Variants in ASAP3 observed in about 807,000 individuals in gnomAD.
ASAP3 encodes ArfGAP with SH3 domain, ankyrin repeat and PH domain 3, also known as arf-GAP with SH3 domain, ANK repeat and PH domain-containing protein 3.
ASAP3 carries 85 observed loss-of-function variants against 118.2 expected under a neutral mutation model. The observed-to-expected ratio is 0.72, with a 90% CI of 0.60 to 0.86. The LOEUF (loss-of-function observed/expected upper bound fraction) is 0.86, where lower values mean the gene tolerates loss of function less well. Among genes scored for constraint, ASAP3 ranks in the 40% least tolerant of loss-of-function variants. The pLI is 0.00. For synonymous variants in ASAP3, 432 were observed against 477.4 expected, an observed-to-expected ratio of 0.90 and a Z score of 1.24; for missense variants, 1,026 against 1,175.0, an observed-to-expected ratio of 0.87 and a Z score of 1.85.
At chr1:23,474,947 G>T (rs1242128125) in intron 1 of ASAP3, among the ~76,000 whole-genome samples, 1 of 152,204 alleles carries the variant, frequency 6.6e-6, no homozygotes, top group Non-Finnish European at 1.5e-5. Flanking sequence ...ACCTGCATGG[G>T]AATTTCCAGG....
At chr1:23,434,704 C>T (rs1640573351) in intron 17 of ASAP3, 86 bp from the exon 18 acceptor site, 1 of 1,296,962 alleles carries the variant, frequency 7.7e-7, no homozygotes, top group Non-Finnish European at 1.1e-6. Flanking sequence ...CTTGCTAACC[C>T]CTTATCCCCC....
At chr1:23,483,687 G>A (rs1377204315) in intron 1 of ASAP3, among the ~76,000 whole-genome samples, 1 of 152,180 alleles carries the variant, frequency 6.6e-6, no homozygotes, top group African/African-American at 2.4e-5. Flanking sequence ...AGATGAAAAC[G>A]CAAACTGAGG....
intron 3 of ASAP3, among the ~76,000 whole-genome samples, chr1:23,454,307 C>A (rs1162596455): frequency 1.3e-5 from 2 of 151,980 alleles, no homozygotes; most frequent in Non-Finnish European, 2.9e-5. Flanking sequence ...CTGCCTCAGC[C>A]TCCTGAGTAG....
In ASAP3 at chr1:23,431,762, C is replaced by T. The variant is rs760214231; in HGVS notation, c.2480G>A (p.Gly827Asp). 6.6e-7 allele frequency: 1 copy of T among 1,526,584 alleles called. No individual in the cohort carries two copies. The highest frequency in any genetic ancestry group is 1.3e-5 in the South Asian group (1 of 76,260). 94.6% of individuals were successfully genotyped at this position (1,526,584 alleles called of 1,614,324 possible). The change falls in exon 23 of 25, where the codon GGC becomes GAC. Residue 827 changes from glycine to aspartate, a missense_variant. By Grantham distance (94) the Gly-to-Asp change is moderately conservative. Transcript: ENST00000336689. ...GGATGTCAGGCTGGGTCTGGAGGTG[C>T]CTGGGGGCTCTCGGAGGCCCTCTTC... Reference protein sequence around the residue: ...NSEEGLREPPGTSRPSLTSGT... With the variant: ...NSEEGLREPPDTSRPSLTSGT...
chr1:23,452,538 G>C (rs1376251406), intron 4 of ASAP3, among the ~76,000 whole-genome samples, 159 bp downstream of exon 4: 2 of 152,040 alleles, frequency 1.3e-5, no homozygotes, highest in Admixed American at 6.6e-5. Context: ...ATCCTAGGCT[G>C]ACCCGAGCCA....
chr1:23,438,701 A>T lies in ASAP3; in HGVS notation c.1102+46T>A. On this transcript the variant is annotated intron_variant, in intron 12 of 24. Transcript: ENST00000336689. This position sits in a 1 kb window ranked among gnomAD's most constrained non-coding sequence, Gnocchi z 4.9. ...CGGGAGCTGACAGGTGTCTTAGAGAAGCCCTGAGCAGCTGTGGGTGGGGGA... is the reference window on the plus strand; with the variant it reads ...CGGGAGCTGACAGGTGTCTTAGAGATGCCCTGAGCAGCTGTGGGTGGGGGA... 1.3e-6 allele frequency: 2 copies of T among 1,575,586 alleles called. No homozygotes were observed. Among genetic ancestry groups the T allele is most frequent in the East Asian group, 4.5e-5 (2 of 44,588 alleles).
intron 1 of ASAP3, among the ~76,000 whole-genome samples, chr1:23,457,253 A>C (rs112643924): frequency 0.038 from 5,718 of 152,236 alleles, 141 homozygotes; most frequent in Middle Eastern, 0.15. Flanking sequence ...CCCTGACCCC[A>C]GCCCAGCTGT....
chr1:23,484,382 A>T, upstream of ASAP3: 1 of 291,710 alleles, frequency 3.4e-6, no homozygotes. Context: ...GCACCGCGTC[A>T]GGCCGCTTCC....
chr1:23,452,707 T>C lies in ASAP3; in HGVS notation c.413A>G (p.Asp138Gly), dbSNP rs1027917730. ...LDSLMKGQLR[D>G]GRQDSKKQLE... The stretch of plus-strand genomic sequence containing the variant: ...AGCATGGAGACTCACCTGTCGACCG[T>C]CCCTCAGCTGCCCCTTCATCAGACT... The change falls in exon 4 of 25, where the codon GAC (aspartate) becomes GGC (glycine). Residue 138 changes from aspartate (D) to glycine (G), a missense_variant. By Grantham distance (94) the Asp-to-Gly change is moderately conservative. Coordinates refer to ENST00000336689, the MANE Select transcript of ASAP3 (RefSeq NM_017707.4). 6.2e-7 allele frequency: 1 copy of C among 1,613,520 alleles called. No individual in the cohort carries two copies. Among genetic ancestry groups the C allele is most frequent in the Non-Finnish European group, 8.5e-7 (1 of 1,179,944 alleles).
Position 23,437,106 on chromosome 1 carries a change from CCTG to C in ASAP3, c.1342+21_1342+23del. 2 of 1,601,132 alleles carry C rather than the reference CCTG, an allele frequency of 1.2e-6. No individual in the cohort carries two copies. Among genetic ancestry groups the C allele is most frequent in the Non-Finnish European group, 8.5e-7 (1 of 1,173,578 alleles). On this transcript the variant is annotated intron_variant, in intron 14 of 24. Transcript: ENST00000336689. The surrounding 1 kb of genome is among the most constrained non-coding windows in gnomAD (Gnocchi z 6.1). ...CCCTCCCCTCCACTTAAGCCTCCCT[CCTG>C]CCCCGGCCCCGGGGACCGACCTGCA...
intron 5 of ASAP3, among the ~76,000 whole-genome samples, chr1:23,446,620 T>C (rs1641055494): frequency 6.6e-6 from 1 of 152,128 alleles, no homozygotes; most frequent in Non-Finnish European, 1.5e-5. Flanking sequence ...GTATTTTTAG[T>C]AGAGCCGGGG....
Position 23,437,057 on chromosome 1 carries a change from G to A in ASAP3, c.1343-13C>T, listed in dbSNP as rs1319371686. 5 of 1,607,492 alleles carry A rather than the reference G, an allele frequency of 3.1e-6. No individual in the cohort carries two copies. In the Admixed American group the frequency reaches 5.1e-5, roughly 16 times the overall value. ...AGCCACGTGGGGTCTGCAGAGGAAA[G>A]CAGCTGGAGCCTGGAGGTGCAGCCC... On this transcript the variant is annotated splice_polypyrimidine_tract_variant and intron_variant, in intron 14 of 24. Coordinates refer to ENST00000336689, the MANE Select transcript of ASAP3 (RefSeq NM_017707.4). This position sits in a 1 kb window ranked among gnomAD's most constrained non-coding sequence, Gnocchi z 6.1.
At position 23,433,281 on chromosome 1, in the gene ASAP3, GC is replaced by G; in HGVS notation, c.2128-10del. Reference sequence around the variant, plus strand: ...AGCTTCAGCAAGCAGCGCTGCCAGAGCAAAAGATTGAGGATGAGGACAGCCT... The same window carrying G: ...AGCTTCAGCAAGCAGCGCTGCCAGAGAAAAGATTGAGGATGAGGACAGCCT... On this transcript the variant is annotated splice_polypyrimidine_tract_variant and intron_variant, in intron 21 of 24. Transcript: ENST00000336689. 1 of 1,604,448 alleles carries G rather than the reference GC, an allele frequency of 6.2e-7. No individual in the cohort carries two copies. Among genetic ancestry groups the G allele is most frequent in the Non-Finnish European group, 8.5e-7 (1 of 1,174,350 alleles).
chr1:23,442,154 G>A, intron 7 of ASAP3, 32 bp downstream of exon 7: 2 of 1,570,164 alleles, frequency 1.3e-6, no homozygotes, highest in Non-Finnish European at 1.7e-6. Context: ...ACACTGGAAG[G>A]GTTAGTGGCA....
In ASAP3 at chr1:23,434,391, G is replaced by C. The variant is rs756536288; in HGVS notation, c.1836-22C>G. On this transcript the variant is annotated intron_variant, in intron 18 of 24. Transcript: ENST00000336689. ...ACCACTGGGGAGAGGAGGGTTCAGG[G>C]AGAAAGGAAGGGGAACAGATCAATG... is the stretch of plus-strand genomic sequence containing the variant. 2.5e-6 allele frequency: 4 copies of C among 1,613,094 alleles called. No homozygotes were observed. In the South Asian group the frequency reaches 3.3e-5, roughly 13 times the overall value.
rs986969206 is a variant in ASAP3 at position 23,438,181 on chromosome 1, C to A, written c.1102+566G>T. On this transcript the variant is annotated intron_variant, in intron 12 of 24. Transcript: ENST00000336689. The surrounding 1 kb of genome is among the most constrained non-coding windows in gnomAD (Gnocchi z 4.9). The stretch of plus-strand genomic sequence containing the variant: ...ACTCAAATACTGTCTCCTCCAGGAG[C>A]CTTTCCTGATTCCCCACAGCAGTGC... Among the ~76,000 whole-genome samples the A allele has an allele frequency of 1.3e-5, 2 of 152,182 alleles. No individual in the cohort carries two copies. The highest frequency in any genetic ancestry group is 2.9e-5 in the Non-Finnish European group (2 of 68,034).
intron 24 of ASAP3, 41 bp downstream of exon 24, chr1:23,430,994 C>A: frequency 6.7e-7 from 1 of 1,490,668 alleles, no homozygotes; most frequent in South Asian, 1.4e-5. Flanking sequence ...CTCCCAGGCA[C>A]CCTGCCACCG....
chr1:23,456,283 C>A (rs182715031), intron 1 of ASAP3, 89 bp from the exon 2 acceptor site: 15 of 1,234,422 alleles, frequency 1.2e-5, no homozygotes, highest in Non-Finnish European at 1.5e-5. Flanking sequence ...TTTCCACCCC[C>A]CAACCGCCCT....
At chr1:23,443,145 GC>G (rs2148619732) in intron 5 of ASAP3, among the ~76,000 whole-genome samples, 1 of 152,348 alleles carries the variant, frequency 6.6e-6, no homozygotes, top group Admixed American at 6.5e-5. Flanking sequence ...GAGATTTGGG[GC>G]AAACAGTTCT....
Sources: allele counts gnomAD v4.1 joint callset (sites outside exome capture counted in the v4.1 genomes callset), GRCh38; gene constraint gnomAD v4.1.1; non-coding constraint Gnocchi (gnomAD v3.1); transcripts MANE v1.5; gene names NCBI Gene and HGNC (gene_info 2026-07-23, HGNC 2026-07-21).